RRM2: variants seen among roughly 807,000 people sequenced by gnomAD.
RRM2 encodes ribonucleotide reductase regulatory subunit M2.
RRM2 carries 6 observed loss-of-function variants against 45.9 expected under a neutral mutation model. The ratio of observed to expected loss-of-function variants is 0.13; its 90% CI spans 0.07 to 0.26. The LOEUF (loss-of-function observed/expected upper bound fraction) is 0.26, where lower values mean the gene tolerates loss of function less well. Among genes scored for constraint, RRM2 ranks in the 10% least tolerant of loss-of-function variants. The probability of loss-of-function intolerance (pLI) is 1.00; values close to 1 mark genes in which losing one functional copy is unlikely to be tolerated. For synonymous variants in RRM2, 177 were observed against 173.0 expected (o/e 1.02, Z -0.18); for missense variants, 343 against 489.5 (o/e 0.70, Z 2.82).
At chr2:10,210,103 G>A (rs1256165005) in intron 3 of RRM2, among the ~76,000 whole-genome samples, 3 of 152,116 alleles carry the variant, frequency 2.0e-5, no homozygotes, top group Non-Finnish European at 4.4e-5. Flanking sequence ...ATGGTGCCTG[G>A]CTTGCCTTGG....
At position 10,124,704 on chromosome 2, in the gene RRM2, G is replaced by A; in HGVS notation, c.436-13G>A. The A allele has an allele frequency of 6.2e-7, 1 of 1,611,166 alleles. No homozygotes were observed. The highest frequency in any genetic ancestry group is 8.5e-7 in the Non-Finnish European group (1 of 1,179,678). ...TTTTTCTCAAGCTTAACTTTGATGT[G>A]TTTTGCCACTAGGTGGAGCGATTTA... On this transcript the variant is annotated splice_polypyrimidine_tract_variant and intron_variant, in intron 4 of 9. Coordinates refer to ENST00000304567, the MANE Select transcript of RRM2 (RefSeq NM_001034.4).
In RRM2 at chr2:10,195,185, G is replaced by A. The variant is rs1664388968; in HGVS notation, n.483-15126G>A. Among the ~76,000 whole-genome samples the A allele has an allele frequency of 6.6e-6, 1 of 152,152 alleles. No individual in the cohort carries two copies. The highest frequency in any genetic ancestry group is 2.1e-4 in the South Asian group (1 of 4,824). On this transcript the variant is annotated intron_variant and non_coding_transcript_variant, in intron 3 of 3. Coordinates refer to the RRM2 transcript ENST00000381786. The surrounding 1 kb of genome is among the most constrained non-coding windows in gnomAD (Gnocchi z 4.9). ...CGAGGGCAACAGGCATGTTCTGGAA[G>A]ACCCACCGTCTGAGGGGTCATGTGA...
intron 3 of RRM2, among the ~76,000 whole-genome samples, chr2:10,176,737 C>T (rs1443435456): frequency 1.3e-5 from 2 of 152,220 alleles, no homozygotes; most frequent in East Asian, 1.9e-4. Context: ...GAACAAAACA[C>T]AATCTATTAA....
In RRM2 at chr2:10,129,235, T is replaced by C. The variant is rs1662848536; in HGVS notation, c.1019T>C (p.Val340Ala). The change falls in exon 10 of 10, where the codon GTT becomes GCT. Residue 340 changes from valine (V) to alanine (A), a missense_variant and splice_region_variant. Physicochemically the swap from Val to Ala is moderately conservative, Grantham distance 64. Transcript: ENST00000304567. This position sits in a 1 kb window ranked among gnomAD's most constrained non-coding sequence, Gnocchi z 4.8. ...ATATCTTGATGTGAACCTTTTCAGG[T>C]TTTCAGAGTAGAGAACCCATTTGAC... is the stretch of plus-strand genomic sequence containing the variant. ...RLMLELGFSK[V>A]FRVENPFDFM... 1 of 1,613,404 alleles carries C rather than the reference T, an allele frequency of 6.2e-7. No homozygotes were observed. Among genetic ancestry groups the C allele is most frequent in the African/African-American group, 1.3e-5 (1 of 74,828 alleles).
intron 3 of RRM2, among the ~76,000 whole-genome samples, chr2:10,167,537 C>G (rs1373290682): frequency 4.6e-5 from 7 of 152,198 alleles, no homozygotes; most frequent in Non-Finnish European, 1.0e-4. Flanking sequence ...TCTTTCTCTC[C>G]TCTCAGGCTG....
chr2:10,136,759 C>A (rs1662995666), upstream of RRM2, among the ~76,000 whole-genome samples: 1 of 152,148 alleles, frequency 6.6e-6, no homozygotes, highest in Non-Finnish European at 1.5e-5. Flanking sequence ...GGCAACAGAG[C>A]AAGACCCACT....
At position 10,187,836 on chromosome 2, in the gene RRM2, G is replaced by C. The variant is rs538228409; in HGVS notation, n.483-22475G>C. The stretch of plus-strand genomic sequence containing the variant: ...AGGCGAGGAGAGCCATCCGCTTCCT[G>C]CTTCTGCAGCATTCGGCCATTTGCC... On this transcript the variant is annotated intron_variant and non_coding_transcript_variant, in intron 3 of 3. Coordinates refer to the RRM2 transcript ENST00000381786. 6.8e-4 allele frequency among the ~76,000 whole-genome samples: 104 copies of C among 152,318 alleles called. 2 individuals carry two copies. Among genetic ancestry groups the C allele is most frequent in the African/African-American group, 2.3e-3 (97 of 41,570 alleles).
rs564182666 is a variant in RRM2 at position 10,196,282 on chromosome 2, T to G, written n.483-14029T>G. The stretch of plus-strand genomic sequence containing the variant: ...GGGTGGGCCACGAGCCCCCACCAAC[T>G]GCAGGCCCACGGCTCAGCAGCAATC... On this transcript the variant is annotated intron_variant and non_coding_transcript_variant, in intron 3 of 3. Transcript: ENST00000381786. Among the ~76,000 whole-genome samples the G allele has an allele frequency of 2.6e-5, 4 of 152,296 alleles. No homozygotes were observed. In the East Asian group the frequency reaches 5.8e-4, roughly 22 times the overall value.
chr2:10,198,289 ATTC>A (rs759164965), intron 3 of RRM2, among the ~76,000 whole-genome samples: 37 of 152,212 alleles, frequency 2.4e-4, no homozygotes, highest in Non-Finnish European at 4.7e-4. Flanking sequence ...CTCCAAAGTC[ATTC>A]TTCTTCCATG....
intron 3 of RRM2, among the ~76,000 whole-genome samples, chr2:10,162,667 C>T (rs1205042505): frequency 1.4e-5 from 2 of 147,616 alleles, no homozygotes; most frequent in Admixed American, 1.4e-4. Context: ...ACATCAGCCA[C>T]CTGCACCCCC....
intron 3 of RRM2, among the ~76,000 whole-genome samples, chr2:10,170,212 CA>C (rs111428680): frequency 0.025 from 3,805 of 152,326 alleles, 171 homozygotes; most frequent in African/African-American, 0.087. Flanking sequence ...CCAGTTTTCC[CA>C]ATTACCTTTC....
intron 2 of RRM2, 97 bp downstream of exon 2, chr2:10,123,154 G>C (rs1369673238): frequency 1.4e-6 from 2 of 1,396,882 alleles, no homozygotes; most frequent in South Asian, 1.4e-5. Context: ...CTCCCGCCCC[G>C]GCTCCTTTCC....
At chr2:10,162,642 G>T (rs1252785442) in intron 3 of RRM2, among the ~76,000 whole-genome samples, 1 of 152,112 alleles carries the variant, frequency 6.6e-6, no homozygotes, top group Admixed American at 6.5e-5. Flanking sequence ...TAGCCTTAGA[G>T]TCAGGCCCAG....
intron 5 of RRM2, among the ~76,000 whole-genome samples, chr2:10,126,193 GCTGCCCAA>G (rs143111343): frequency 8.3e-6 from 1 of 119,956 alleles, no homozygotes; most frequent in African/African-American, 3.1e-5. Context: ...AAAAAAAAAA[GCTGCCCAA>G]TGTCTGGTGC....
chr2:10,137,167 T>G (rs1014779364), upstream of RRM2, among the ~76,000 whole-genome samples: 1 of 152,210 alleles, frequency 6.6e-6, no homozygotes, highest in African/African-American at 2.4e-5. Context: ...TTGCCCCCAT[T>G]TTACAGATAT....
rs529727566 is a variant in RRM2 at position 10,172,764 on chromosome 2, A to G, written n.482+30389A>G. ...CTGCCCACATCAGTTGCAAAATGCA[A>G]TGTGGGGCCCTTTGTTGAAAAACAA... is the stretch of plus-strand genomic sequence containing the variant. On this transcript the variant is annotated intron_variant and non_coding_transcript_variant, in intron 3 of 3. Coordinates refer to the RRM2 transcript ENST00000381786. This position sits in a 1 kb window ranked among gnomAD's most constrained non-coding sequence, Gnocchi z 4.9. Among the ~76,000 whole-genome samples, 2 of 152,310 alleles carry G rather than the reference A, an allele frequency of 1.3e-5. No homozygotes were observed. The highest frequency in any genetic ancestry group is 3.9e-4 in the East Asian group (2 of 5,182).
downstream of RRM2, among the ~76,000 whole-genome samples, chr2:10,134,345 T>G (rs1662955899): frequency 6.6e-6 from 1 of 151,836 alleles, no homozygotes; most frequent in African/African-American, 2.4e-5. Context: ...TGCAATTGGA[T>G]TTGGAGGGAG....
chr2:10,137,724 GT>G (rs1663015801), upstream of RRM2, among the ~76,000 whole-genome samples: 1 of 152,222 alleles, frequency 6.6e-6, no homozygotes, highest in Non-Finnish European at 1.5e-5. Context: ...GGAGATTTCA[GT>G]TTCCAGAAAG....
intron 3 of RRM2, among the ~76,000 whole-genome samples, chr2:10,207,149 A>G (rs1025403058): frequency 1.3e-5 from 2 of 152,140 alleles, no homozygotes; most frequent in African/African-American, 2.4e-5. Context: ...GATGATGACC[A>G]CAGTCACTTG....
Sources: allele counts gnomAD v4.1 joint callset (sites outside exome capture counted in the v4.1 genomes callset), GRCh38; gene constraint gnomAD v4.1.1; non-coding constraint Gnocchi (gnomAD v3.1); transcripts MANE v1.5; gene names NCBI Gene and HGNC (gene_info 2026-07-23, HGNC 2026-07-21).